The following MME variants were observed in gnomAD, a reference collection of about 807,000 sequenced individuals.
MME encodes neprilysin.
MME carries 98 observed loss-of-function variants against 113.2 expected under a neutral mutation model. The ratio of observed to expected loss-of-function variants is 0.87; its 90% CI spans 0.74 to 1.02. The LOEUF (loss-of-function observed/expected upper bound fraction) is 1.02. Ranked by LOEUF, MME falls within the 50% of genes least tolerant of loss-of-function variation. MME has a pLI of 0.00. For missense variants in MME, 836 were observed against 896.0 expected (o/e 0.93, Z 0.86); for synonymous variants, 292 against 300.6 (o/e 0.97, Z 0.30).
At chr3:155,119,058 T>TA (rs1391206174) in intron 8 of MME, among the ~76,000 whole-genome samples, 1 of 152,238 alleles carries the variant, frequency 6.6e-6, no homozygotes, top group Non-Finnish European at 1.5e-5. Context: ...TTTTAGTATT[T>TA]AAAACATATG....
chr3:155,063,931 G>A (rs1714295894), intron 1 of MME, among the ~76,000 whole-genome samples: 2 of 151,644 alleles, frequency 1.3e-5, no homozygotes, highest in Non-Finnish European at 2.9e-5. Context: ...GCTTTACAGA[G>A]GTAATCAAGG....
intron 1 of MME, among the ~76,000 whole-genome samples, chr3:155,049,195 T>C (rs888537203): frequency 1.3e-5 from 2 of 152,178 alleles, no homozygotes; most frequent in Non-Finnish European, 2.9e-5. Context: ...CTCAGAATAT[T>C]ACCTTATTTA....
chr3:155,119,085 T>C (rs1462093944), intron 8 of MME, among the ~76,000 whole-genome samples: 1 of 152,216 alleles, frequency 6.6e-6, no homozygotes, highest in African/African-American at 2.4e-5. Flanking sequence ...TTTGAAAAGT[T>C]AATTTAAAAT....
chr3:155,102,433 C>T (rs1324761022), intron 3 of MME, among the ~76,000 whole-genome samples: 2 of 152,078 alleles, frequency 1.3e-5, no homozygotes, highest in South Asian at 2.1e-4. Context: ...CATATCATAC[C>T]GATCTGATAA....
At chr3:155,153,513 A>G (rs1365081769) in intron 16 of MME, among the ~76,000 whole-genome samples, 1 of 152,206 alleles carries the variant, frequency 6.6e-6, no homozygotes, top group Non-Finnish European at 1.5e-5. Flanking sequence ...ATGAATTTTC[A>G]TTTAGAGTTC....
At chr3:155,066,668 A>G (rs1187978587) in intron 1 of MME, among the ~76,000 whole-genome samples, 1 of 152,180 alleles carries the variant, frequency 6.6e-6, no homozygotes, top group Non-Finnish European at 1.5e-5. Flanking sequence ...ACATGGTGTA[A>G]TGACATTTTA....
chr3:155,162,420 T>C (rs1722785043), intron 17 of MME, among the ~76,000 whole-genome samples: 2 of 152,168 alleles, frequency 1.3e-5, no homozygotes, highest in South Asian at 4.1e-4. Context: ...GGCCCAATAG[T>C]GGTCTATTTC....
At chr3:155,180,210 G>T (rs1712944145) in intron 22 of MME, 150 bp from the exon 23 acceptor site, 2 of 711,322 alleles carry the variant, frequency 2.8e-6, no homozygotes, top group Admixed American at 1.9e-5. Context: ...TAATGAGAAG[G>T]CACTGACTCA....
chr3:155,145,318 A>G (rs1721420147), intron 14 of MME, among the ~76,000 whole-genome samples: 1 of 152,138 alleles, frequency 6.6e-6, no homozygotes, highest in Admixed American at 6.5e-5. Flanking sequence ...AATACTGGAC[A>G]TGCAAGTTAT....
chr3:155,156,807 T>A (rs1030481441), intron 16 of MME, among the ~76,000 whole-genome samples: 4 of 152,132 alleles, frequency 2.6e-5, no homozygotes, highest in African/African-American at 9.7e-5. Flanking sequence ...TACTAAATGC[T>A]GAGAAATTGA....
chr3:155,081,729 A>G (rs1715169877), intron 1 of MME: 1 of 152,002 alleles, frequency 6.6e-6, no homozygotes, highest in Admixed American at 6.6e-5. Context: ...TATGTTCCAC[A>G]GTGAGATTCC....
At chr3:155,127,631 A>ACT (rs1407384233) in intron 8 of MME, among the ~76,000 whole-genome samples, 2 of 152,154 alleles carry the variant, frequency 1.3e-5, no homozygotes, top group Non-Finnish European at 2.9e-5. Context: ...CATTTAGCAT[A>ACT]CTCTGCCACA....
At chr3:155,154,336 G>A (rs1722160227) in intron 16 of MME, among the ~76,000 whole-genome samples, 1 of 152,146 alleles carries the variant, frequency 6.6e-6, no homozygotes, top group Admixed American at 6.5e-5. Context: ...CAGAGCAGTT[G>A]GCACCCTGGG....
At position 155,118,758 on chromosome 3, in the gene MME, C is replaced by T. The variant is rs201328537; in HGVS notation, c.667C>T (p.Arg223Ter). ...VNHVIHIDQP[R>*]LGLPSRDYYE... ...ATATTTTTTATAGATTGACCAACCT[C>T]GACTTGGCCTCCCTTCTAGAGATTA... is the stretch of plus-strand genomic sequence containing the variant. The change falls in exon 8 of 23, where the codon CGA becomes TGA. Residue 223 changes from arginine (R) to a stop codon, truncating the protein, a stop_gained. Transcript: ENST00000360490. LOFTEE classifies it high-confidence loss of function. 6.9e-6 allele frequency: 11 copies of T among 1,597,720 alleles called. No individual in the cohort carries two copies. The highest frequency in any genetic ancestry group is 9.4e-6 in the Non-Finnish European group (11 of 1,167,050).
chr3:155,179,726 TG>T (rs1215883757), intron 22 of MME, among the ~76,000 whole-genome samples: 1 of 152,164 alleles, frequency 6.6e-6, no homozygotes, highest in African/African-American at 2.4e-5. Context: ...TGAGTTGGAC[TG>T]TGTTGTTTTT....
intron 1 of MME, among the ~76,000 whole-genome samples, chr3:155,028,921 A>G (rs1712878347): frequency 6.6e-6 from 1 of 152,204 alleles, no homozygotes; most frequent in South Asian, 2.1e-4. Flanking sequence ...GCAAATATCA[A>G]AGGTTTAAAA....
chr3:155,160,951 T>C (rs1722673930), intron 17 of MME, among the ~76,000 whole-genome samples: 1 of 152,082 alleles, frequency 6.6e-6, no homozygotes, highest in Non-Finnish European at 1.5e-5. Context: ...AAAGTTGGAA[T>C]CTCAATTATA....
At chr3:155,134,348 T>A (rs1216173640) in intron 8 of MME, among the ~76,000 whole-genome samples, 1 of 152,106 alleles carries the variant, frequency 6.6e-6, no homozygotes, top group African/African-American at 2.4e-5. Context: ...TGTCCTTAAA[T>A]GCCCAACATT....
chr3:155,169,738 G>A (rs186904522), intron 20 of MME, among the ~76,000 whole-genome samples: 14 of 152,250 alleles, frequency 9.2e-5, no homozygotes, highest in Non-Finnish European at 1.5e-4. Flanking sequence ...AAGGATGGAT[G>A]GAATGATCAG....
Sources: allele counts gnomAD v4.1 joint callset (sites outside exome capture counted in the v4.1 genomes callset), GRCh38; gene constraint gnomAD v4.1.1; transcripts MANE v1.5; gene names NCBI Gene and HGNC (gene_info 2026-07-23, HGNC 2026-07-21).